Variants in CSGALNACT1 observed in about 807,000 individuals in gnomAD.
The protein encoded by CSGALNACT1 is chondroitin sulfate N-acetylgalactosaminyltransferase 1.
Under a neutral mutation model 51.0 loss-of-function variants are expected in CSGALNACT1, and 52 were observed. The observed-to-expected ratio is 1.02, with a 90% CI of 0.82 to 1.29. The LOEUF (loss-of-function observed/expected upper bound fraction) is 1.29, where lower values mean the gene tolerates loss of function less well. Ranked by LOEUF, CSGALNACT1 falls within the 50% of genes most tolerant of loss-of-function variation. CSGALNACT1 has a pLI of 0.00. For synonymous variants in CSGALNACT1, 341 were observed against 254.4 expected (o/e 1.34, Z -3.24); for missense variants, 935 against 679.2 (o/e 1.38, Z -4.19).
intron 1 of CSGALNACT1, among the ~76,000 whole-genome samples, chr8:19,637,570 T>C (rs1411161492): frequency 6.6e-6 from 1 of 152,230 alleles, no homozygotes; most frequent in African/African-American, 2.4e-5. Context: ...GTCACATGCA[T>C]ACAAGGGAAA....
chr8:19,547,331 T>A (rs796975743), intron 3 of CSGALNACT1, among the ~76,000 whole-genome samples: 1 of 152,240 alleles, frequency 6.6e-6, no homozygotes, highest in African/African-American at 2.4e-5. Flanking sequence ...TTCAGTGTTT[T>A]GTGAATGACA....
chr8:19,431,876 T>A (rs2059702539), intron 6 of CSGALNACT1, among the ~76,000 whole-genome samples: 1 of 152,136 alleles, frequency 6.6e-6, no homozygotes, highest in Non-Finnish European at 1.5e-5. Flanking sequence ...TTTGTATTCC[T>A]CTGTTCCCTC....
intron 3 of CSGALNACT1, among the ~76,000 whole-genome samples, chr8:19,517,658 G>A (rs568620270): frequency 1.2e-4 from 18 of 152,214 alleles, no homozygotes; most frequent in Admixed American, 2.0e-4. Flanking sequence ...GGAACAGTTC[G>A]TCTTACAAGG....
chr8:19,704,815 C>T (rs965662496), intron 1 of CSGALNACT1, among the ~76,000 whole-genome samples: 1 of 152,088 alleles, frequency 6.6e-6, no homozygotes, highest in African/African-American at 2.4e-5. Flanking sequence ...ACCTGGAGGA[C>T]ATTATGCTAA....
upstream of CSGALNACT1, among the ~76,000 whole-genome samples, chr8:19,605,765 C>T (rs1180595200): frequency 6.6e-6 from 1 of 152,152 alleles, no homozygotes; most frequent in African/African-American, 2.4e-5. Flanking sequence ...GTTTGGCAGA[C>T]ATCAATTAGC....
At chr8:19,417,369 T>C (rs1255593499) in intron 8 of CSGALNACT1, among the ~76,000 whole-genome samples, 1 of 152,148 alleles carries the variant, frequency 6.6e-6, no homozygotes, top group Non-Finnish European at 1.5e-5. Flanking sequence ...GGCCCCAAAG[T>C]TGAAACTTTC....
At chr8:19,654,626 C>T (rs1273763380) in intron 1 of CSGALNACT1, among the ~76,000 whole-genome samples, 1 of 152,142 alleles carries the variant, frequency 6.6e-6, no homozygotes, top group Non-Finnish European at 1.5e-5. Flanking sequence ...CTCACTTGAA[C>T]CTCTGCCTCC....
At chr8:19,669,301 T>C (rs1342271089) in intron 1 of CSGALNACT1, among the ~76,000 whole-genome samples, 1 of 152,222 alleles carries the variant, frequency 6.6e-6, no homozygotes, top group South Asian at 2.1e-4. Flanking sequence ...AACAACTTTC[T>C]CTTCAATTTT....
intron 1 of CSGALNACT1, among the ~76,000 whole-genome samples, chr8:19,652,779 CA>C (rs1788186510): frequency 6.6e-6 from 1 of 152,142 alleles, no homozygotes; most frequent in African/African-American, 2.4e-5. Flanking sequence ...TTGCCAAAAT[CA>C]ATAGATATTT....
chr8:19,519,476 G>A (rs757825344), intron 3 of CSGALNACT1, among the ~76,000 whole-genome samples: 1 of 152,170 alleles, frequency 6.6e-6, no homozygotes, highest in African/African-American at 2.4e-5. Flanking sequence ...AGGGGAAGGC[G>A]ATGTCCACAG....
At chr8:19,657,861 G>T (rs1242755368) in intron 1 of CSGALNACT1, among the ~76,000 whole-genome samples, 1 of 152,046 alleles carries the variant, frequency 6.6e-6, no homozygotes, top group East Asian at 1.9e-4. Context: ...GGGTCCAACA[G>T]AGCACCTTGG....
Position 19,664,588 on chromosome 8 carries a change from C to T in CSGALNACT1, c.-544+17885G>A, listed in dbSNP as rs555567305. ...CAAAGATATGGAATCTAAGTATTCA[C>T]CAACGTATGCTTAAAGAAAATGCAG... On this transcript the variant is annotated intron_variant, in intron 1 of 9. Coordinates refer to the CSGALNACT1 transcript ENST00000332246. Among the ~76,000 whole-genome samples, 14 of 152,172 alleles carry T rather than the reference C, an allele frequency of 9.2e-5. No homozygotes were observed. In the South Asian group the frequency reaches 1.2e-3, roughly 14 times the overall value.
chr8:19,588,559 T>G (rs532734533), intron 3 of CSGALNACT1, among the ~76,000 whole-genome samples: 10 of 152,146 alleles, frequency 6.6e-5, no homozygotes, highest in Non-Finnish European at 1.5e-4. Flanking sequence ...AATAGACAAA[T>G]TTACTGAGGT....
chr8:19,726,802 T>G (rs1363443750), intron 1 of CSGALNACT1, among the ~76,000 whole-genome samples: 3 of 152,174 alleles, frequency 2.0e-5, no homozygotes, highest in Non-Finnish European at 4.4e-5. Context: ...TAAAAATCAT[T>G]AGTGGCAAAC....
At position 19,610,039 on chromosome 8, in the gene CSGALNACT1, T is replaced by C. The variant is rs181062197; in HGVS notation, c.-543-8174A>G. 7.8e-3 allele frequency among the ~76,000 whole-genome samples: 1,184 copies of C among 151,844 alleles called. 17 individuals carry two copies. Among genetic ancestry groups the C allele is most frequent in the African/African-American group, 0.027 (1,118 of 41,400 alleles). Reference sequence around the variant, plus strand: ...TTCAAGACGATCAGCCTGGCTAAGATGGTGAAACCCCGTCTCTACTAAAAA... The same window carrying C: ...TTCAAGACGATCAGCCTGGCTAAGACGGTGAAACCCCGTCTCTACTAAAAA... On this transcript the variant is annotated intron_variant, in intron 1 of 9. Coordinates refer to the CSGALNACT1 transcript ENST00000332246.
At chr8:19,427,080 T>A (rs1046524519) in intron 6 of CSGALNACT1, among the ~76,000 whole-genome samples, 1 of 152,218 alleles carries the variant, frequency 6.6e-6, no homozygotes, top group African/African-American at 2.4e-5. Flanking sequence ...TATCATCCAA[T>A]TTTTCATAGT....
chr8:19,588,094 G>A (rs2047034149), intron 3 of CSGALNACT1: 1 of 152,150 alleles, frequency 6.6e-6, no homozygotes, highest in African/African-American at 2.4e-5. Flanking sequence ...GGGAGACTGA[G>A]GCAGGACAAT....
intron 1 of CSGALNACT1, among the ~76,000 whole-genome samples, chr8:19,632,054 T>A (rs960767591): frequency 1.3e-5 from 2 of 152,266 alleles, no homozygotes; most frequent in African/African-American, 4.8e-5. Context: ...ATTTCAAAGC[T>A]ACATTTTACA....
intron 3 of CSGALNACT1, among the ~76,000 whole-genome samples, chr8:19,547,742 A>G (rs909776468): frequency 1.3e-5 from 2 of 152,198 alleles, no homozygotes; most frequent in African/African-American, 4.8e-5. Flanking sequence ...CACTTATATC[A>G]AGTATAATAG....
Sources: allele counts gnomAD v4.1 joint callset (sites outside exome capture counted in the v4.1 genomes callset), GRCh38; gene constraint gnomAD v4.1.1; transcripts MANE v1.5; gene names NCBI Gene and HGNC (gene_info 2026-07-23, HGNC 2026-07-21).